DPP6: variants seen among roughly 807,000 people sequenced by gnomAD.
The protein encoded by DPP6 is A-type potassium channel modulatory protein DPP6.
DPP6 carries 69 observed loss-of-function variants against 122.6 expected under a neutral mutation model. That is an observed-to-expected ratio of 0.56 (90% CI 0.46 to 0.69). DPP6 has a LOEUF of 0.69. DPP6 is among the 30% of genes least tolerant of loss of function. The pLI is 0.00. For synonymous variants in DPP6, 418 were observed against 433.1 expected (o/e 0.97, Z 0.43); for missense variants, 928 against 1,116.9 (o/e 0.83, Z 2.41).
At chr7:154,627,327 C>G (rs559907730) in intron 5 of DPP6, among the ~76,000 whole-genome samples, 2 of 151,558 alleles carry the variant, frequency 1.3e-5, no homozygotes, top group African/African-American at 4.8e-5. Flanking sequence ...TCCCAAGTAG[C>G]TGGGACTACA....
chr7:154,585,839 C>G (rs549698490), intron 5 of DPP6, among the ~76,000 whole-genome samples: 11 of 151,926 alleles, frequency 7.2e-5, no homozygotes, highest in African/African-American at 2.4e-4. Context: ...ATACTCAGGG[C>G]CGACTGTAAT....
chr7:154,097,301 A>G (rs1585371023), intron 1 of DPP6, among the ~76,000 whole-genome samples: 1 of 152,250 alleles, frequency 6.6e-6, no homozygotes, highest in Non-Finnish European at 1.5e-5. Context: ...ATGAAAGAAG[A>G]GGCTGAGTCT....
chr7:154,149,881 C>T lies in DPP6; in HGVS notation c.243+96818C>T, dbSNP rs1796322422. On this transcript the variant is annotated intron_variant, in intron 1 of 25. Transcript: ENST00000377770. ...TACCCTCCCCCGCCCCCGGCATGGG[C>T]AGCTCAGACCACCGGGAAAGTTCCA... Among the ~76,000 whole-genome samples the T allele has an allele frequency of 3.3e-5, 5 of 152,278 alleles. No homozygotes were observed. In the South Asian group the frequency reaches 1.0e-3, roughly 32 times the overall value.
At chr7:154,166,285 G>T (rs1464124779) in intron 1 of DPP6, among the ~76,000 whole-genome samples, 2 of 152,176 alleles carry the variant, frequency 1.3e-5, no homozygotes, top group Non-Finnish European at 2.9e-5. Context: ...TTCTGGAGCT[G>T]TGACGTTCTT....
At chr7:153,850,429 C>T in the DPP6 span, among the ~76,000 whole-genome samples, 1 of 152,184 alleles carries the variant, frequency 6.6e-6, no homozygotes, top group Non-Finnish European at 1.5e-5. Context: ...AGCGAGTCTA[C>T]TGCCAAGACT....
At chr7:154,685,807 A>G (rs935991811) in intron 7 of DPP6, among the ~76,000 whole-genome samples, 1 of 152,246 alleles carries the variant, frequency 6.6e-6, no homozygotes, top group Non-Finnish European at 1.5e-5. Context: ...ACTCAAAGTT[A>G]AGATCAGGAT....
At chr7:154,198,742 T>C (rs1035045158) in intron 1 of DPP6, among the ~76,000 whole-genome samples, 2 of 152,206 alleles carry the variant, frequency 1.3e-5, no homozygotes, top group Non-Finnish European at 2.9e-5. Context: ...TACAAACATA[T>C]GTGCATGTGG....
At chr7:154,454,038 G>A (rs4726419) in intron 2 of DPP6, among the ~76,000 whole-genome samples, 54,909 of 151,872 alleles carry the variant, frequency 0.36, 11,069 homozygotes, top group African/African-American at 0.53. Context: ...GGCTTGCTCC[G>A]TATCTTTTGG....
intron 7 of DPP6, among the ~76,000 whole-genome samples, chr7:154,712,937 G>T (rs1463472937): frequency 2.0e-5 from 3 of 152,132 alleles, no homozygotes; most frequent in African/African-American, 7.2e-5. Flanking sequence ...CAAGTCCAAA[G>T]TCTCATCTGA....
At chr7:154,743,751 A>G (rs1360286194) in intron 8 of DPP6, among the ~76,000 whole-genome samples, 1 of 151,602 alleles carries the variant, frequency 6.6e-6, no homozygotes, top group East Asian at 1.9e-4. Flanking sequence ...ACCCAGGTAT[A>G]TGAAGGGGTA....
the DPP6 span, among the ~76,000 whole-genome samples, chr7:153,798,499 C>T: frequency 3.3e-5 from 5 of 152,180 alleles, no homozygotes; most frequent in Non-Finnish European, 7.3e-5. Flanking sequence ...AGATGGGGCC[C>T]CTTCCACTGA....
chr7:153,849,003 T>C, the DPP6 span, among the ~76,000 whole-genome samples: 1 of 152,210 alleles, frequency 6.6e-6, no homozygotes, highest in African/African-American at 2.4e-5. Flanking sequence ...TTTATGATGG[T>C]TTATGTCTTT....
chr7:154,669,840 A>C (rs201495288), intron 7 of DPP6, among the ~76,000 whole-genome samples: 1,708 of 75,696 alleles, frequency 0.023, 35 homozygotes, highest in African/African-American at 0.057. Flanking sequence ...CTTCCTGTGG[A>C]GGGTTTTTTT....
At chr7:153,855,432 A>G in the DPP6 span, among the ~76,000 whole-genome samples, 1 of 152,274 alleles carries the variant, frequency 6.6e-6, no homozygotes, top group East Asian at 1.9e-4. Context: ...AAAATTGGAC[A>G]TTTAAAATAA....
At chr7:154,320,524 C>T (rs895662461) in intron 1 of DPP6, among the ~76,000 whole-genome samples, 9 of 151,992 alleles carry the variant, frequency 5.9e-5, no homozygotes, top group Admixed American at 5.2e-4. Flanking sequence ...TCCTCTGTTG[C>T]CCAGGTCGGA....
rs1804559420 is a variant in DPP6 at position 154,282,179 on chromosome 7, C to T, written c.244-164035C>T. On this transcript the variant is annotated intron_variant, in intron 1 of 25. Transcript: ENST00000377770. The surrounding 1 kb of genome is among the most constrained non-coding windows in gnomAD (Gnocchi z 4.8). Reference sequence around the variant, plus strand: ...CCATCTATAATTTTATTCTTTTTTCCCCTCCCTATTCCATTCTCTCTGTGG... The same window carrying T: ...CCATCTATAATTTTATTCTTTTTTCTCCTCCCTATTCCATTCTCTCTGTGG... Among the ~76,000 whole-genome samples the T allele has an allele frequency of 1.3e-5, 2 of 151,952 alleles. No individual in the cohort carries two copies. The highest frequency in any genetic ancestry group is 6.6e-5 in the Admixed American group (1 of 15,256).
At chr7:153,910,942 AC>A (rs947758433) in intron 1 of DPP6, among the ~76,000 whole-genome samples, 69 of 152,278 alleles carry the variant, frequency 4.5e-4, no homozygotes, top group African/African-American at 1.3e-3. Flanking sequence ...GTGGACTCTT[AC>A]TTGGCTTCCC....
chr7:154,367,956 G>A (rs1812323232), intron 1 of DPP6, among the ~76,000 whole-genome samples: 1 of 152,098 alleles, frequency 6.6e-6, no homozygotes, highest in South Asian at 2.1e-4. Flanking sequence ...ACAGGCACCT[G>A]CCACCACGCC....
intron 1 of DPP6, among the ~76,000 whole-genome samples, chr7:154,187,983 A>C (rs1242506517): frequency 3.9e-5 from 6 of 152,140 alleles, no homozygotes; most frequent in Non-Finnish European, 2.9e-5. Context: ...AGAACAGTAG[A>C]ACCGTCTGAA....
Sources: gnomAD v4.1 joint callset for allele counts (sites outside exome capture counted in the v4.1 genomes callset) on GRCh38, gnomAD v4.1.1 for gene constraint, Gnocchi (gnomAD v3.1) non-coding constraint, MANE v1.5 for transcripts, NCBI Gene and HGNC (gene_info 2026-07-23, HGNC 2026-07-21) for gene names.